Variants in RALGPS1 observed in about 807,000 individuals in gnomAD.
RALGPS1 encodes the protein ras-specific guanine nucleotide-releasing factor RalGPS1.
Under a neutral mutation model 78.8 loss-of-function variants are expected in RALGPS1, and 19 were observed. The observed-to-expected ratio is 0.24, with a 90% CI of 0.17 to 0.35. RALGPS1 has a LOEUF of 0.35. Ranked by LOEUF, RALGPS1 falls within the 10% of genes least tolerant of loss-of-function variation. RALGPS1 has a pLI of 1.00. For synonymous variants in RALGPS1, 228 were observed against 256.3 expected (o/e 0.89, Z 1.06); for missense variants, 454 against 688.3 (o/e 0.66, Z 3.81).
intron 8 of RALGPS1, among the ~76,000 whole-genome samples, chr9:127,103,187 G>T (rs141535555): frequency 6.6e-6 from 1 of 152,368 alleles, no homozygotes; most frequent in East Asian, 1.9e-4. Context: ...ATACCATTGT[G>T]CTGGGGAACC....
At chr9:126,966,768 A>G (rs1413515609) in intron 3 of RALGPS1, among the ~76,000 whole-genome samples, 1 of 152,088 alleles carries the variant, frequency 6.6e-6, no homozygotes, top group Non-Finnish European at 1.5e-5. Flanking sequence ...TTATTTGGGC[A>G]ATTTAAAAAA....
At chr9:127,013,214 G>A (rs1283908666) in intron 4 of RALGPS1, among the ~76,000 whole-genome samples, 1 of 152,190 alleles carries the variant, frequency 6.6e-6, no homozygotes, top group Admixed American at 6.5e-5. Context: ...AAGCAAAGGT[G>A]AGGAGCTTTG....
Position 127,223,163 on chromosome 9 carries a change from T to A in RALGPS1, c.*4394T>A, listed in dbSNP as rs2062818559. 6.5e-6 allele frequency: 1 copy of A among 152,684 alleles called. No individual in the cohort carries two copies. Among genetic ancestry groups the A allele is most frequent in the South Asian group, 2.1e-4 (1 of 4,836 alleles). 9.5% of individuals were successfully genotyped at this position (152,684 alleles called of 1,614,324 possible). A position where few individuals can be genotyped will look rare whatever the true frequency, so the allele number is the denominator to read the frequency against. ...CTTTGAAATTAAATGTGTTTTCCAA[T>A]GAATGTTGCTCAGTTTATTAAAGTC... On this transcript the variant is annotated 3_prime_UTR_variant, in exon 19 of 19. Transcript: ENST00000259351.
At chr9:126,989,810 T>G in intron 4 of RALGPS1, 1 of 1,516,080 alleles carries the variant, frequency 6.6e-7, no homozygotes, top group Non-Finnish European at 8.8e-7. Context: ...GGGATTCGAT[T>G]TCACCCTTCC....
intron 1 of RALGPS1, among the ~76,000 whole-genome samples, chr9:126,954,980 C>T (rs1458480657): frequency 6.6e-6 from 1 of 152,230 alleles, no homozygotes; most frequent in African/African-American, 2.4e-5. Flanking sequence ...CTGCTAGGCT[C>T]ATGTGCATCT....
intron 8 of RALGPS1, chr9:127,108,204 G>A (rs779733392): frequency 2.6e-5 from 42 of 1,614,106 alleles, no homozygotes; most frequent in Non-Finnish European, 3.5e-5. Context: ...CCAGGTCCTT[G>A]TACTTGCTGG....
At chr9:126,920,938 A>G (rs1003071340) in intron 1 of RALGPS1, among the ~76,000 whole-genome samples, 1 of 152,210 alleles carries the variant, frequency 6.6e-6, no homozygotes, top group Non-Finnish European at 1.5e-5. Flanking sequence ...CTGTGTGACC[A>G]TGGGCAGGTG....
At chr9:127,069,507 G>C (rs1237581545) in intron 8 of RALGPS1, 151 bp downstream of exon 8, 1 of 788,172 alleles carries the variant, frequency 1.3e-6, no homozygotes, top group Non-Finnish European at 2.0e-6. Context: ...GGAACAGGCT[G>C]TTGGTACTTC....
At chr9:127,033,120 A>G (rs148992038) in intron 4 of RALGPS1, among the ~76,000 whole-genome samples, 1 of 152,140 alleles carries the variant, frequency 6.6e-6, no homozygotes, top group Non-Finnish European at 1.5e-5. Flanking sequence ...ATTTGAGTCT[A>G]AGTTGTGAGG....
At position 126,963,659 on chromosome 9, in the gene RALGPS1, A is replaced by C. The variant is rs559084605; in HGVS notation, c.57+1313A>C. Among the ~76,000 whole-genome samples, 121 of 152,286 alleles carry C rather than the reference A, an allele frequency of 7.9e-4. 4 individuals are homozygous for C. In the South Asian group the frequency reaches 0.02, roughly 25 times the overall value. On this transcript the variant is annotated intron_variant, in intron 2 of 18. Transcript: ENST00000259351. ...ACTGTCTAATTTAATATTCACAATA[A>C]CCCCATCAGGTGTATATTATTATTT...
intron 1 of RALGPS1, among the ~76,000 whole-genome samples, chr9:126,940,151 A>AT (rs1480969254): frequency 6.6e-6 from 1 of 152,042 alleles, no homozygotes; most frequent in Non-Finnish European, 1.5e-5. Context: ...GTCCTGTCAC[A>AT]CTTCTTTACC....
At chr9:126,946,062 C>A (rs2037236193) in intron 1 of RALGPS1, among the ~76,000 whole-genome samples, 1 of 152,152 alleles carries the variant, frequency 6.6e-6, no homozygotes, top group Non-Finnish European at 1.5e-5. Flanking sequence ...AAGAGGCTTT[C>A]ACGGTAGATG....
intron 8 of RALGPS1, among the ~76,000 whole-genome samples, chr9:127,089,764 A>C (rs1466778368): frequency 6.6e-6 from 1 of 152,250 alleles, no homozygotes; most frequent in Admixed American, 6.5e-5. Flanking sequence ...TTTGCTGCCA[A>C]GGACAAGCAG....
At chr9:126,977,419 T>C (rs1751785345) in intron 3 of RALGPS1, among the ~76,000 whole-genome samples, 2 of 152,198 alleles carry the variant, frequency 1.3e-5, no homozygotes, top group Non-Finnish European at 2.9e-5. Context: ...TTCCCTTTTC[T>C]CCCAGGCCCA....
intron 8 of RALGPS1, among the ~76,000 whole-genome samples, chr9:127,127,095 G>A (rs1412777068): frequency 3.3e-5 from 5 of 152,198 alleles, no homozygotes; most frequent in Non-Finnish European, 7.3e-5. Context: ...GGGAATTGGT[G>A]TAGTAATTTT....
At chr9:127,075,029 G>T (rs1252838439) in intron 8 of RALGPS1, among the ~76,000 whole-genome samples, 2 of 152,226 alleles carry the variant, frequency 1.3e-5, no homozygotes, top group African/African-American at 4.8e-5. Context: ...AAGGGCATTG[G>T]TCAGCCTGTG....
intron 8 of RALGPS1, among the ~76,000 whole-genome samples, chr9:127,158,245 G>A (rs2058813984): frequency 6.6e-6 from 1 of 151,782 alleles, no homozygotes; most frequent in African/African-American, 2.4e-5. Flanking sequence ...TATTAGGTTG[G>A]TGCAAAAGTA....
chr9:127,060,807 G>A (rs2049147999), intron 7 of RALGPS1, among the ~76,000 whole-genome samples: 1 of 152,152 alleles, frequency 6.6e-6, no homozygotes. Context: ...GCTAGGATGG[G>A]GGCTGTGTGC....
At chr9:127,013,028 A>T (rs868024122) in intron 4 of RALGPS1, among the ~76,000 whole-genome samples, 2 of 152,244 alleles carry the variant, frequency 1.3e-5, no homozygotes, top group Non-Finnish European at 1.5e-5. Context: ...TCCAGCTAGG[A>T]CAACACACAA....
Sources: allele counts gnomAD v4.1 joint callset (sites outside exome capture counted in the v4.1 genomes callset), GRCh38; gene constraint gnomAD v4.1.1; transcripts MANE v1.5; gene names NCBI Gene and HGNC (gene_info 2026-07-23, HGNC 2026-07-21).